Variants in CNTNAP5 observed in about 807,000 individuals in gnomAD.
CNTNAP5 encodes the protein contactin associated protein family member 5, also known as contactin-associated protein-like 5.
CNTNAP5 carries 72 observed loss-of-function variants against 150.2 expected under a neutral mutation model. The observed-to-expected ratio is 0.48, with a 90% CI of 0.40 to 0.58. The LOEUF (loss-of-function observed/expected upper bound fraction) is 0.58, where lower values mean the gene tolerates loss of function less well. Among genes scored for constraint, CNTNAP5 ranks in the 20% least tolerant of loss-of-function variants. The pLI, the probability that CNTNAP5 is intolerant of heterozygous loss-of-function variation, is 0.00. For missense variants in CNTNAP5, 1,636 were observed against 1,626.2 expected (o/e 1.01, Z -0.10); for synonymous variants, 672 against 619.8 (o/e 1.08, Z -1.25).
At chr2:124,813,563 T>G (rs1159712044) in intron 19 of CNTNAP5, among the ~76,000 whole-genome samples, 2 of 148,174 alleles carry the variant, frequency 1.3e-5, no homozygotes, top group Non-Finnish European at 3.0e-5. Flanking sequence ...AGGGGCAACT[T>G]TACTTGGTTG....
intron 1 of CNTNAP5, among the ~76,000 whole-genome samples, chr2:124,126,961 T>C: frequency 6.6e-6 from 1 of 152,154 alleles, no homozygotes; most frequent in Non-Finnish European, 1.5e-5. Context: ...TCATACTGAA[T>C]GGGCAAAAAC....
chr2:124,837,862 T>G (rs555563700), intron 19 of CNTNAP5, among the ~76,000 whole-genome samples: 4 of 152,228 alleles, frequency 2.6e-5, no homozygotes, highest in African/African-American at 9.6e-5. Flanking sequence ...TGATATCAAT[T>G]GGTAATGAGA....
At chr2:124,611,393 C>T (rs1424205404) in intron 12 of CNTNAP5, among the ~76,000 whole-genome samples, 1 of 152,218 alleles carries the variant, frequency 6.6e-6, no homozygotes, top group African/African-American at 2.4e-5. Flanking sequence ...GGTGACCTGG[C>T]ATTGGGTGCC....
In CNTNAP5 at chr2:124,800,987, T is replaced by C. The variant is rs551716780; in HGVS notation, c.3217+2667T>C. On this transcript the variant is annotated intron_variant, in intron 19 of 23. Coordinates refer to ENST00000682447, the MANE Select transcript of CNTNAP5 (RefSeq NM_001367498.1). ...CTCAGGCTAACTCATGGGAGATGGA[T>C]GTCCAGGACATTGTTGTTAATAGAG... 1.4e-3 allele frequency among the ~76,000 whole-genome samples: 219 copies of C among 152,252 alleles called. 1 individual carries two copies. The highest frequency in any genetic ancestry group is 5.0e-3 in the African/African-American group (208 of 41,518).
At position 124,075,327 on chromosome 2, in the gene CNTNAP5, T is replaced by A. The variant is rs185150398; in HGVS notation, c.82+49595T>A. Among the ~76,000 whole-genome samples the A allele has an allele frequency of 9.2e-5, 14 of 152,302 alleles. No homozygotes were observed. In the East Asian group the frequency reaches 2.7e-3, roughly 29 times the overall value. On this transcript the variant is annotated intron_variant, in intron 1 of 23. Coordinates refer to ENST00000682447, the MANE Select transcript of CNTNAP5 (RefSeq NM_001367498.1). ...AAGTTGAGATCCACTTCTAACATTT[T>A]ATCCTCTGCACTTTCGATGCCATGA...
At chr2:124,720,346 C>G (rs974713711) in intron 13 of CNTNAP5, among the ~76,000 whole-genome samples, 11 of 152,158 alleles carry the variant, frequency 7.2e-5, no homozygotes, top group African/African-American at 2.6e-4. Flanking sequence ...TAGTGGCTTC[C>G]CCCTTTGACT....
rs760393085 is a variant in CNTNAP5, at chr2:124,417,519, G to A, written c.458G>A (p.Arg153His). 5.6e-6 allele frequency: 9 copies of A among 1,613,766 alleles called. No homozygotes were observed. The highest frequency in any genetic ancestry group is 1.3e-5 in the African/African-American group (1 of 75,034). ...LLHSVRARFVRFVPLEWNPSG... is the reference protein window; with the variant it reads ...LLHSVRARFVHFVPLEWNPSG... ...CACTCAGTGAGAGCCCGATTTGTTCGCTTTGTGCCCCTGGAATGGAATCCC... is the reference window on the plus strand; with the variant it reads ...CACTCAGTGAGAGCCCGATTTGTTCACTTTGTGCCCCTGGAATGGAATCCC... The change falls in exon 4 of 24, where the codon CGC (arginine) becomes CAC (histidine). Residue 153 changes from arginine to histidine, a missense_variant. By Grantham distance (29) the Arg-to-His change is conservative (BLOSUM62 0). Transcript: ENST00000682447.
chr2:124,192,882 G>A (rs1171940984), intron 1 of CNTNAP5, among the ~76,000 whole-genome samples: 1 of 152,056 alleles, frequency 6.6e-6, no homozygotes, highest in African/African-American at 2.4e-5. Context: ...CATCAAAATT[G>A]GATGGTTTAA....
chr2:124,484,697 G>A (rs377109897), intron 7 of CNTNAP5, among the ~76,000 whole-genome samples: 1 of 152,102 alleles, frequency 6.6e-6, no homozygotes, highest in African/African-American at 2.4e-5. Flanking sequence ...TCGACAAATG[G>A]CCTTTTAGAA....
chr2:124,518,059 C>T (rs906151214), intron 8 of CNTNAP5, among the ~76,000 whole-genome samples: 15 of 151,938 alleles, frequency 9.9e-5, no homozygotes, highest in African/African-American at 3.4e-4. Flanking sequence ...AGGTATACCA[C>T]AAGACACCTA....
chr2:124,167,395 A>G (rs748103714), intron 1 of CNTNAP5, among the ~76,000 whole-genome samples: 1 of 152,108 alleles, frequency 6.6e-6, no homozygotes, highest in African/African-American at 2.4e-5. Context: ...GGCAATATTA[A>G]CTCCACTTAT....
intron 4 of CNTNAP5, among the ~76,000 whole-genome samples, chr2:124,427,742 C>A (rs1203007447): frequency 6.6e-6 from 1 of 152,124 alleles, no homozygotes; most frequent in Non-Finnish European, 1.5e-5. Context: ...CAGGTGTGAG[C>A]CACCGTGCCC....
chr2:124,895,645 G>T (rs1172329570), intron 21 of CNTNAP5, among the ~76,000 whole-genome samples: 1 of 151,368 alleles, frequency 6.6e-6, no homozygotes, highest in East Asian at 1.9e-4. Context: ...AGAAATAGGT[G>T]GTTAGTTACA....
chr2:124,291,082 C>T (rs2104633912), intron 3 of CNTNAP5, among the ~76,000 whole-genome samples: 1 of 151,906 alleles, frequency 6.6e-6, no homozygotes, highest in East Asian at 1.9e-4. Flanking sequence ...ATGTGATAAT[C>T]TTGTATTTAT....
At chr2:124,304,973 G>C (rs1283828543) in intron 3 of CNTNAP5, among the ~76,000 whole-genome samples, 1 of 151,902 alleles carries the variant, frequency 6.6e-6, no homozygotes, top group Non-Finnish European at 1.5e-5. Context: ...AAGAGGAATA[G>C]TCACACTGCA....
intron 14 of CNTNAP5, among the ~76,000 whole-genome samples, chr2:124,752,335 G>A (rs780263586): frequency 3.3e-5 from 5 of 152,064 alleles, no homozygotes; most frequent in Admixed American, 2.0e-4. Flanking sequence ...GACTATAGGT[G>A]CATTCAACCA....
chr2:124,629,454 A>C (rs1373242463), intron 12 of CNTNAP5, among the ~76,000 whole-genome samples: 1 of 152,210 alleles, frequency 6.6e-6, no homozygotes, highest in Non-Finnish European at 1.5e-5. Context: ...CCTGCTCCTG[A>C]ATGACTCCTG....
chr2:124,031,908 G>A (rs71428135), intron 1 of CNTNAP5, among the ~76,000 whole-genome samples: 9,241 of 152,096 alleles, frequency 0.061, 380 homozygotes, highest in South Asian at 0.1. Context: ...TGAATCCTAT[G>A]TCATCTTTTT....
intron 17 of CNTNAP5, among the ~76,000 whole-genome samples, chr2:124,781,391 TGTAA>T (rs1558772973): frequency 1.3e-5 from 2 of 152,172 alleles, no homozygotes; most frequent in East Asian, 3.9e-4. Flanking sequence ...TCTTACGTTG[TGTAA>T]GTGTTTATTT....
Sources: allele counts gnomAD v4.1 joint callset (sites outside exome capture counted in the v4.1 genomes callset), GRCh38; gene constraint gnomAD v4.1.1; transcripts MANE v1.5; gene names NCBI Gene and HGNC (gene_info 2026-07-23, HGNC 2026-07-21).